SLCO1B1: variants seen among roughly 807,000 people sequenced by gnomAD.
The protein encoded by SLCO1B1 is solute carrier organic anion transporter family member 1B1, also known as OATP-2.
A neutral mutation model predicts 70.1 loss-of-function variants in SLCO1B1; 81 were observed. The observed-to-expected ratio is 1.16, with a 90% confidence interval of 0.97 to 1.39. The LOEUF (loss-of-function observed/expected upper bound fraction) is 1.39. SLCO1B1 is among the 40% of genes most tolerant of loss of function. The pLI is 0.00. For missense variants in SLCO1B1, 895 were observed against 799.6 expected (o/e 1.12, Z -1.44); for synonymous variants, 283 against 271.5 (o/e 1.04, Z -0.42).
chr12:21,158,918 T>G (rs138767873), intron 2 of SLCO1B1, among the ~76,000 whole-genome samples: 1 of 152,282 alleles, frequency 6.6e-6, no homozygotes, highest in East Asian at 1.9e-4. Flanking sequence ...ATAATGTTCT[T>G]CTTTTCCAAA....
intron 10 of SLCO1B1, among the ~76,000 whole-genome samples, chr12:21,204,228 A>C (rs1011244100): frequency 6.6e-6 from 1 of 151,890 alleles, no homozygotes. Context: ...GGGGTGCACA[A>C]CTTCAAAACT....
chr12:21,188,678 C>T (rs368365708), intron 7 of SLCO1B1, among the ~76,000 whole-genome samples: 22 of 151,984 alleles, frequency 1.4e-4, no homozygotes, highest in Non-Finnish European at 2.8e-4. Flanking sequence ...TTTATTTGCT[C>T]AAAAGTGTGT....
chr12:21,166,592 G>A (rs2199766), intron 2 of SLCO1B1, among the ~76,000 whole-genome samples: 61,962 of 151,990 alleles, frequency 0.41, 13,750 homozygotes, highest in East Asian at 0.59. Flanking sequence ...CTATGTCACT[G>A]TATACTTGTT....
At chr12:21,184,134 C>G (rs1158545880) in intron 7 of SLCO1B1, among the ~76,000 whole-genome samples, 2 of 151,908 alleles carry the variant, frequency 1.3e-5, no homozygotes, top group Non-Finnish European at 2.9e-5. Context: ...CATTGGAATT[C>G]CTGAGAGAGA....
At chr12:21,179,286 A>G (rs917385526) in intron 7 of SLCO1B1, among the ~76,000 whole-genome samples, 2 of 152,124 alleles carry the variant, frequency 1.3e-5, no homozygotes. Context: ...CAAATGTAAA[A>G]TGTCTCCCTC....
At chr12:21,137,001 G>C (rs939462544) in intron 1 of SLCO1B1, among the ~76,000 whole-genome samples, 1 of 152,110 alleles carries the variant, frequency 6.6e-6, no homozygotes, top group Admixed American at 6.5e-5. Context: ...ACGTACAGAT[G>C]GGTTTTTGGT....
At chr12:21,185,039 G>A (rs929392635) in intron 7 of SLCO1B1, among the ~76,000 whole-genome samples, 3 of 152,062 alleles carry the variant, frequency 2.0e-5, no homozygotes, top group African/African-American at 7.2e-5. Flanking sequence ...AGGATAAAGT[G>A]TTCCATTAAA....
chr12:21,203,152 A>G (rs1470458957), intron 10 of SLCO1B1, among the ~76,000 whole-genome samples: 8 of 152,122 alleles, frequency 5.3e-5, no homozygotes, highest in Non-Finnish European at 1.2e-4. Flanking sequence ...TACAGTTCAT[A>G]TCGATGTTCA....
intron 7 of SLCO1B1, 105 bp from the exon 8 acceptor site, chr12:21,196,841 C>G: frequency 8.3e-7 from 1 of 1,197,890 alleles, no homozygotes; most frequent in South Asian, 1.3e-5. Context: ...AAAATCGTGT[C>G]TTGGAATTGA....
intron 12 of SLCO1B1, among the ~76,000 whole-genome samples, chr12:21,218,463 A>G (rs1293016558): frequency 1.5e-5 from 1 of 65,686 alleles, no homozygotes; most frequent in Non-Finnish European, 3.6e-5. Context: ...GGTAGAGATG[A>G]AAAAAAAAAG....
intron 7 of SLCO1B1, among the ~76,000 whole-genome samples, chr12:21,180,124 T>C (rs1366908173): frequency 3.3e-5 from 5 of 152,152 alleles, no homozygotes; most frequent in Admixed American, 3.3e-4. Flanking sequence ...TCCTTAGATA[T>C]CTTATTAGTA....
At chr12:21,134,284 C>T (rs1411295687) in intron 1 of SLCO1B1, among the ~76,000 whole-genome samples, 1 of 152,158 alleles carries the variant, frequency 6.6e-6, no homozygotes, top group African/African-American at 2.4e-5. Flanking sequence ...GGATATTGGT[C>T]TAAAATTCTC....
intron 1 of SLCO1B1, among the ~76,000 whole-genome samples, chr12:21,134,044 G>T (rs537678941): frequency 1.2e-4 from 18 of 152,148 alleles, no homozygotes; most frequent in East Asian, 5.8e-4. Flanking sequence ...TAGCATGAAG[G>T]GTTGTTGAAT....
intron 7 of SLCO1B1, among the ~76,000 whole-genome samples, chr12:21,183,250 C>T (rs1940927291): frequency 6.6e-6 from 1 of 152,206 alleles, no homozygotes; most frequent in South Asian, 2.1e-4. Context: ...GGCTAGAGCG[C>T]AGAGAAGCAA....
chr12:21,132,950 G>A lies in SLCO1B1; in HGVS notation c.-62+1714G>A, dbSNP rs200233908. ...GGTATTGCCTAGGTTTTCTTCTAGG[G>A]TTTTTATGGTTTTAGGTCTAACATT... On this transcript the variant is annotated intron_variant, in intron 1 of 14. Transcript: ENST00000256958. Among the ~76,000 whole-genome samples, 3,586 of 151,880 alleles carry A rather than the reference G, an allele frequency of 0.024. 342 individuals are homozygous for A. In the East Asian group the frequency reaches 0.32, roughly 13 times the overall value.
intron 14 of SLCO1B1, among the ~76,000 whole-genome samples, chr12:21,227,336 G>A (rs570738539): frequency 8.0e-4 from 121 of 152,066 alleles, no homozygotes; most frequent in Non-Finnish European, 1.3e-3. Flanking sequence ...TGAAAAAAAA[G>A]AACCATGAAG....
chr12:21,179,210 T>A (rs1375717567), intron 7 of SLCO1B1, among the ~76,000 whole-genome samples, 190 bp downstream of exon 7: 1 of 152,188 alleles, frequency 6.6e-6, no homozygotes, highest in African/African-American at 2.4e-5. Context: ...TATACTATCT[T>A]TATAACTAAG....
chr12:21,133,357 A>T (rs1940169065), intron 1 of SLCO1B1, among the ~76,000 whole-genome samples: 1 of 152,074 alleles, frequency 6.6e-6, no homozygotes, highest in Admixed American at 6.6e-5. Flanking sequence ...AGTTTTTTCC[A>T]ATTCTGTGAA....
intron 2 of SLCO1B1, among the ~76,000 whole-genome samples, chr12:21,143,036 T>C (rs1157226469): frequency 1.3e-5 from 2 of 152,124 alleles, no homozygotes; most frequent in Non-Finnish European, 2.9e-5. Flanking sequence ...CTACAAGTGA[T>C]ATTTAAAATA....
Sources: gnomAD v4.1 joint callset for allele counts (sites outside exome capture counted in the v4.1 genomes callset) on GRCh38, gnomAD v4.1.1 for gene constraint, MANE v1.5 for transcripts, NCBI Gene and HGNC (gene_info 2026-07-23, HGNC 2026-07-21) for gene names.